The following CNTNAP2 variants were observed in gnomAD, a reference collection of about 807,000 sequenced individuals.
CNTNAP2 encodes contactin associated protein 2.
A neutral mutation model predicts 155.2 loss-of-function variants in CNTNAP2; 98 were observed. The observed-to-expected ratio is 0.63, with a 90% confidence interval of 0.54 to 0.75. The LOEUF is 0.75. Among genes scored for constraint, CNTNAP2 ranks in the 30% least tolerant of loss-of-function variants. The pLI, the probability that CNTNAP2 is intolerant of heterozygous loss-of-function variation, is 0.00. For synonymous variants in CNTNAP2, 651 were observed against 631.2 expected (o/e 1.03, Z -0.47); for missense variants, 1,727 against 1,688.1 (o/e 1.02, Z -0.40).
intron 14 of CNTNAP2, among the ~76,000 whole-genome samples, chr7:147,949,944 AG>A (rs1266967519): frequency 6.6e-6 from 1 of 152,194 alleles, no homozygotes; most frequent in Non-Finnish European, 1.5e-5. Context: ...AAAGAAGAAA[AG>A]CAGCATTTAC....
At chr7:146,679,590 C>T (rs1415501541) in intron 1 of CNTNAP2, among the ~76,000 whole-genome samples, 1 of 152,054 alleles carries the variant, frequency 6.6e-6, no homozygotes, top group African/African-American at 2.4e-5. Flanking sequence ...CGCCTGACCT[C>T]ATGATCCGCC....
intron 14 of CNTNAP2, among the ~76,000 whole-genome samples, chr7:147,942,201 T>C (rs1400972710): frequency 2.0e-5 from 3 of 152,202 alleles, no homozygotes; most frequent in African/African-American, 7.2e-5. Flanking sequence ...CAGTAATTGA[T>C]GCACTTGCCC....
intron 13 of CNTNAP2, among the ~76,000 whole-genome samples, chr7:147,891,319 C>T (rs1274850782): frequency 6.6e-6 from 1 of 151,998 alleles, no homozygotes; most frequent in Non-Finnish European, 1.5e-5. Context: ...ATTCTCCTTC[C>T]GCGGCCTCCC....
chr7:147,148,069 T>C (rs1398813840), intron 8 of CNTNAP2, among the ~76,000 whole-genome samples: 2 of 152,118 alleles, frequency 1.3e-5, no homozygotes, highest in Admixed American at 6.6e-5. Flanking sequence ...AAAAAAGCTA[T>C]AAAGAAATCA....
chr7:146,260,681 C>T lies in CNTNAP2; in HGVS notation c.97+143708C>T, dbSNP rs1001418160. Among the ~76,000 whole-genome samples the T allele has an allele frequency of 6.6e-5, 10 of 152,274 alleles. No homozygotes were observed. In the East Asian group the frequency reaches 1.2e-3, roughly 18 times the overall value. The stretch of plus-strand genomic sequence containing the variant: ...CGTTTTGGAATGAGAGCATTTGTCC[C>T]GTGCCTGCACCCCCACTCTATCTTG... On this transcript the variant is annotated intron_variant, in intron 1 of 23. Coordinates refer to ENST00000361727, the MANE Select transcript of CNTNAP2 (RefSeq NM_014141.6).
At chr7:147,444,193 G>A (rs986873007) in intron 10 of CNTNAP2, among the ~76,000 whole-genome samples, 1 of 152,126 alleles carries the variant, frequency 6.6e-6, no homozygotes, top group Non-Finnish European at 1.5e-5. Context: ...TTAGGAACAT[G>A]GTTAGGAAAA....
chr7:148,069,329 C>T (rs975412065), intron 15 of CNTNAP2, among the ~76,000 whole-genome samples: 5 of 152,096 alleles, frequency 3.3e-5, no homozygotes, highest in African/African-American at 9.7e-5. Context: ...TCAGTTTAGG[C>T]CCCCAGGCTT....
intron 10 of CNTNAP2, among the ~76,000 whole-genome samples, chr7:147,451,504 T>C (rs983101952): frequency 2.6e-5 from 4 of 152,112 alleles, no homozygotes; most frequent in Non-Finnish European, 4.4e-5. Flanking sequence ...TGCCTTGACT[T>C]ACCAAACTGA....
chr7:146,748,346 C>G (rs970250004), intron 1 of CNTNAP2, among the ~76,000 whole-genome samples: 2 of 151,868 alleles, frequency 1.3e-5, no homozygotes, highest in African/African-American at 4.8e-5. Context: ...GGGGTTTCAC[C>G]GTGTTAGCCA....
In CNTNAP2 at chr7:147,132,340, C is replaced by A. The variant is rs1801392415; in HGVS notation, c.1179C>A (p.Asp393Glu). 1 of 1,613,704 alleles carries A rather than the reference C, an allele frequency of 6.2e-7. No individual in the cohort carries two copies. Among genetic ancestry groups the A allele is most frequent in the Non-Finnish European group, 8.5e-7 (1 of 1,179,804 alleles). ...YLEVPGRLNQ[D>E]LFSVSFQFRT... Reference sequence around the variant, plus strand: ...AGGTGCCCGGACGGCTTAACCAGGACCTGTTCTCAGTCAGTTTCCAGTTTA... The same window carrying A: ...AGGTGCCCGGACGGCTTAACCAGGAACTGTTCTCAGTCAGTTTCCAGTTTA... Residue 393 changes from aspartate to glutamate, a missense_variant, in exon 8 of 24, where the codon GAC (aspartate) becomes GAA (glutamate). By Grantham distance (45) the Asp-to-Glu change is conservative. Transcript: ENST00000361727.
chr7:146,642,323 A>C (rs2129161545), intron 1 of CNTNAP2, among the ~76,000 whole-genome samples: 1 of 105,516 alleles, frequency 9.5e-6, no homozygotes, highest in East Asian at 3.2e-4. Flanking sequence ...CCCACCCCAC[A>C]ACAGTCCACA....
intron 13 of CNTNAP2, among the ~76,000 whole-genome samples, chr7:147,743,024 AT>A: frequency 6.6e-6 from 1 of 152,312 alleles, no homozygotes; most frequent in Non-Finnish European, 1.5e-5. Context: ...GGCTGTCATA[AT>A]TTTTTATAAT....
At chr7:146,244,757 T>C (rs1470419841) in intron 1 of CNTNAP2, among the ~76,000 whole-genome samples, 1 of 152,176 alleles carries the variant, frequency 6.6e-6, no homozygotes, top group African/African-American at 2.4e-5. Context: ...TGAGGAGTTA[T>C]GTCTGACAGA....
At chr7:146,951,754 A>C (rs1384239686) in intron 3 of CNTNAP2, among the ~76,000 whole-genome samples, 1 of 152,084 alleles carries the variant, frequency 6.6e-6, no homozygotes, top group East Asian at 1.9e-4. Flanking sequence ...TTCTTTTTGC[A>C]TAGGATTGTC....
intron 2 of CNTNAP2, among the ~76,000 whole-genome samples, chr7:146,830,447 G>A (rs940697388): frequency 2.0e-5 from 3 of 151,866 alleles, no homozygotes; most frequent in Non-Finnish European, 2.9e-5. Context: ...CTATTTATAT[G>A]TTTGTAATTT....
chr7:146,542,767 G>A lies in CNTNAP2; in HGVS notation c.98-231504G>A, dbSNP rs143283061. Among the ~76,000 whole-genome samples, 462 of 152,076 alleles carry A rather than the reference G, an allele frequency of 3.0e-3. 3 individuals are homozygous for A. The highest frequency in any genetic ancestry group is 5.3e-3 in the Non-Finnish European group (357 of 67,926). The stretch of plus-strand genomic sequence containing the variant: ...TCATCTAGGTTATGATAAATAAGCT[G>A]TTGAATTACATGACTTGTTTCTAGG... On this transcript the variant is annotated intron_variant, in intron 1 of 23. Coordinates refer to ENST00000361727, the MANE Select transcript of CNTNAP2 (RefSeq NM_014141.6).
intron 11 of CNTNAP2, among the ~76,000 whole-genome samples, chr7:147,495,820 C>T (rs903140864): frequency 1.3e-5 from 2 of 152,086 alleles, no homozygotes; most frequent in Admixed American, 1.3e-4. Flanking sequence ...CAGTTTGTGG[C>T]CTTTTAGGAA....
At chr7:146,125,541 A>C (rs569092574) in intron 1 of CNTNAP2, among the ~76,000 whole-genome samples, 83 of 138,868 alleles carry the variant, frequency 6.0e-4, no homozygotes, top group African/African-American at 1.9e-3. Flanking sequence ...GCGCCACTGC[A>C]CTCCAGCCTG....
chr7:147,403,798 AC>A (rs1278932760), intron 10 of CNTNAP2, among the ~76,000 whole-genome samples: 1 of 152,154 alleles, frequency 6.6e-6, no homozygotes, highest in Non-Finnish European at 1.5e-5. Context: ...CCATTGATCC[AC>A]TGGTAAGACA....
Sources: allele counts gnomAD v4.1 joint callset (sites outside exome capture counted in the v4.1 genomes callset), GRCh38; gene constraint gnomAD v4.1.1; transcripts MANE v1.5; gene names NCBI Gene and HGNC (gene_info 2026-07-23, HGNC 2026-07-21).